The following PITPNM3 variants were observed in gnomAD, a reference collection of about 807,000 sequenced individuals.
The protein encoded by PITPNM3 is PITPNM family member 3, also known as membrane-associated phosphatidylinositol transfer protein 3.
Under a neutral mutation model 102.0 loss-of-function variants are expected in PITPNM3, and 26 were observed. The ratio of observed to expected loss-of-function variants is 0.25; its 90% CI spans 0.19 to 0.35. The LOEUF (loss-of-function observed/expected upper bound fraction) is 0.35, where lower values mean the gene tolerates loss of function less well. Among genes scored for constraint, PITPNM3 ranks in the 10% least tolerant of loss-of-function variants. The probability of loss-of-function intolerance (pLI) is 1.00; values close to 1 mark genes in which losing one functional copy is unlikely to be tolerated. For synonymous variants in PITPNM3, 578 were observed against 558.6 expected (o/e 1.03, Z -0.49); for missense variants, 1,083 against 1,346.1 (o/e 0.80, Z 3.06).
At chr17:6,513,884 T>C (rs995335759) in intron 3 of PITPNM3, among the ~76,000 whole-genome samples, 1 of 152,232 alleles carries the variant, frequency 6.6e-6, no homozygotes, top group Admixed American at 6.5e-5. Flanking sequence ...TCAAACTTAC[T>C]GCAGGTGTAC....
intron 4 of PITPNM3, among the ~76,000 whole-genome samples, chr17:6,492,709 T>C (rs1047034156): frequency 1.3e-5 from 2 of 151,754 alleles, no homozygotes; most frequent in African/African-American, 4.8e-5. Flanking sequence ...ATACAAAAAT[T>C]AGTTGGGCAT....
In PITPNM3 at chr17:6,453,949, C is replaced by T. The variant is rs1913972833; in HGVS notation, c.*1389G>A. 1 of 152,682 alleles carries T rather than the reference C, an allele frequency of 6.5e-6. No individual in the cohort carries two copies. The highest frequency in any genetic ancestry group is 1.5e-5 in the Non-Finnish European group (1 of 68,312). The allele number at this position is 152,682 out of a possible 1,614,324, so 9.5% of individuals were successfully genotyped here. On this transcript the variant is annotated 3_prime_UTR_variant, in exon 20 of 20. Transcript: ENST00000262483. ...AGGATGCAGGAAAGCAGTGCCCAGG[C>T]CAAGGTTCAGCAGCAGGAGGGCCTG...
chr17:6,468,213 G>T lies in PITPNM3; in HGVS notation c.1890+12C>A, dbSNP rs551342533. The T allele has an allele frequency of 1.6e-5, 25 of 1,610,892 alleles. No homozygotes were observed. In the East Asian group the frequency reaches 4.5e-4, roughly 29 times the overall value. On this transcript the variant is annotated intron_variant, in intron 14 of 19. Coordinates refer to ENST00000262483, the MANE Select transcript of PITPNM3 (RefSeq NM_031220.4). The surrounding 1 kb of genome is among the most constrained non-coding windows in gnomAD (Gnocchi z 5.2). ...ACAGTCCCAGCCACATGCGAACTGA[G>T]CATGCACGCACCCTCAGCTTGACCT... is the stretch of plus-strand genomic sequence containing the variant.
chr17:6,455,410 G>C lies in PITPNM3; in HGVS notation c.2853C>G (p.Asp951Glu), dbSNP rs1914043647. The change falls in exon 20 of 20, where the codon GAC becomes GAG. Residue 951 changes from aspartate to glutamate, a missense_variant. Physicochemically the swap from Asp to Glu is conservative, Grantham distance 45 (BLOSUM62 2). This residue lies in a region of PITPNM3 where 208 missense variants were observed against 178.2 expected (regional missense o/e 1.17). Coordinates refer to ENST00000262483, the MANE Select transcript of PITPNM3 (RefSeq NM_031220.4). ...CCGGCAGCGGCCGCTCGTGGTCTTT[G>C]TCCGACTCGGGCTGGCTCTGGGCCC... ...PERAQSQPESDKDHERPLPAL... is the reference protein window; with the variant it reads ...PERAQSQPESEKDHERPLPAL... The C allele has an allele frequency of 1.2e-6, 2 of 1,601,758 alleles. No individual in the cohort carries two copies. The highest frequency in any genetic ancestry group is 1.7e-6 in the Non-Finnish European group (2 of 1,176,998).
Position 6,464,637 on chromosome 17 carries a change from AG to A in PITPNM3, c.2007+17del. The A allele has an allele frequency of 1.2e-6, 2 of 1,602,754 alleles. No individual in the cohort carries two copies. Among genetic ancestry groups the A allele is most frequent in the Non-Finnish European group, 8.5e-7 (1 of 1,170,392 alleles). On this transcript the variant is annotated intron_variant, in intron 15 of 19. Transcript: ENST00000262483. ...TGCAGGTGGAGTGGCTGAGGAGGGGAGGCCCAGCCCCAGGTACCTTCTCTCC... is the reference window on the plus strand; with the variant it reads ...TGCAGGTGGAGTGGCTGAGGAGGGGAGCCCAGCCCCAGGTACCTTCTCTCC...
At position 6,483,632 on chromosome 17, in the gene PITPNM3, T is replaced by C. The variant is rs1389845967; in HGVS notation, c.472A>G (p.Ser158Gly). Residue 158 changes from serine to glycine, a missense_variant, in exon 6 of 20, where the codon AGC becomes GGC. Physicochemically the swap from Ser to Gly is moderately conservative, Grantham distance 56 (BLOSUM62 0). Coordinates refer to ENST00000262483, the MANE Select transcript of PITPNM3 (RefSeq NM_031220.4). The stretch of plus-strand genomic sequence containing the variant: ...CGTGTGACCTTCTCCAGCACGGAGC[T>C]GAAGGTGTGGATGTCGGCTGCCTTG... ...SCKAADIHTFSSVLEKVTRAH... is the reference protein window; with the variant it reads ...SCKAADIHTFGSVLEKVTRAH... The C allele has an allele frequency of 6.2e-7, 1 of 1,613,950 alleles. No individual in the cohort carries two copies.
At chr17:6,550,996 G>A (rs1401319164) in intron 1 of PITPNM3, among the ~76,000 whole-genome samples, 7 of 152,198 alleles carry the variant, frequency 4.6e-5, no homozygotes, top group Admixed American at 3.3e-4. Context: ...AGAGGTCGGC[G>A]TATTTGCATA....
intron 3 of PITPNM3, among the ~76,000 whole-genome samples, chr17:6,506,958 G>C (rs1037521177): frequency 2.6e-5 from 4 of 152,206 alleles, no homozygotes; most frequent in Non-Finnish European, 5.9e-5. Context: ...TTGAGTGAGA[G>C]GTTTTTTCCC....
chr17:6,550,500 TG>T (rs1305162492), intron 1 of PITPNM3, among the ~76,000 whole-genome samples: 1 of 152,140 alleles, frequency 6.6e-6, no homozygotes, highest in Non-Finnish European at 1.5e-5. Context: ...AAAGCCTCCA[TG>T]GTCTCTGAAA....
intron 4 of PITPNM3, among the ~76,000 whole-genome samples, chr17:6,491,470 A>G (rs1305912330): frequency 6.6e-6 from 1 of 152,188 alleles, no homozygotes; most frequent in East Asian, 1.9e-4. Context: ...TTTTTAGCCA[A>G]TGAAAGTTCC....
chr17:6,529,558 C>T (rs1041022020), intron 2 of PITPNM3, among the ~76,000 whole-genome samples: 20 of 150,686 alleles, frequency 1.3e-4, no homozygotes, highest in African/African-American at 4.7e-4. Context: ...CGTGCTACTG[C>T]ATTCCAGCCT....
chr17:6,518,784 A>C (rs2150632587), intron 3 of PITPNM3, among the ~76,000 whole-genome samples: 1 of 152,298 alleles, frequency 6.6e-6, no homozygotes, highest in South Asian at 2.1e-4. Context: ...ACACAAATGA[A>C]CAATGAGGGG....
chr17:6,477,938 G>A, intron 8 of PITPNM3, 37 bp downstream of exon 8: 1 of 1,607,818 alleles, frequency 6.2e-7, no homozygotes, highest in Non-Finnish European at 8.5e-7. Flanking sequence ...TGCTCCTATG[G>A]GCATACCCCT....
intron 10 of PITPNM3, among the ~76,000 whole-genome samples, chr17:6,474,038 T>C (rs1447519525): frequency 1.3e-5 from 2 of 150,056 alleles, no homozygotes; most frequent in Non-Finnish European, 3.0e-5. Flanking sequence ...TGAGGTGGGC[T>C]TGGGGATATG....
chr17:6,462,614 G>A (rs1389735035), intron 17 of PITPNM3, among the ~76,000 whole-genome samples: 1 of 152,156 alleles, frequency 6.6e-6, no homozygotes, highest in African/African-American at 2.4e-5. Flanking sequence ...AGCTCTGGTT[G>A]GCTGACTTCA....
At chr17:6,462,647 G>A (rs1260255395) in intron 17 of PITPNM3, among the ~76,000 whole-genome samples, 2 of 152,204 alleles carry the variant, frequency 1.3e-5, no homozygotes, top group African/African-American at 4.8e-5. Flanking sequence ...GCTGCAAGAT[G>A]TCAGGTAAGC....
chr17:6,487,687 C>T (rs1906177990), intron 4 of PITPNM3, among the ~76,000 whole-genome samples: 1 of 152,220 alleles, frequency 6.6e-6, no homozygotes, highest in Non-Finnish European at 1.5e-5. Flanking sequence ...GGGCTGGACT[C>T]TGCGCCCTCA....
At position 6,470,048 on chromosome 17, in the gene PITPNM3, G is replaced by A. The variant is rs570198369; in HGVS notation, c.1773+212C>T. ...TTAATTTTCTAGAGTGTACCATGCC[G>A]TCAGCCACCCAGGAGCCAATGTCTT... On this transcript the variant is annotated intron_variant, in intron 13 of 19. Transcript: ENST00000262483. The surrounding 1 kb of genome is among the most constrained non-coding windows in gnomAD (Gnocchi z 4.8). Among the ~76,000 whole-genome samples, 5 of 152,198 alleles carry A rather than the reference G, an allele frequency of 3.3e-5. No homozygotes were observed. The highest frequency in any genetic ancestry group is 2.1e-4 in the South Asian group (1 of 4,828).
chr17:6,478,560 C>G lies in PITPNM3; in HGVS notation c.764G>C (p.Gly255Ala), dbSNP rs1905458372. 6.2e-7 allele frequency: 1 copy of G among 1,613,992 alleles called. No homozygotes were observed. The highest frequency in any genetic ancestry group is 1.3e-5 in the African/African-American group (1 of 74,934). The change falls in exon 7 of 20, where the codon GGC (glycine) becomes GCC (alanine). Residue 255 changes from glycine (G) to alanine (A), a missense_variant. Physicochemically the swap from Gly to Ala is moderately conservative, Grantham distance 60 (BLOSUM62 0). This residue lies in a region of PITPNM3 where 290 missense variants were observed against 337.8 expected (regional missense o/e 0.86). Transcript: ENST00000262483. The surrounding 1 kb of genome is among the most constrained non-coding windows in gnomAD (Gnocchi z 4.4). ...REFLKSSDGI[G>A]FSGQVCLIGD... Reference sequence around the variant, plus strand: ...AGGCTGTCCTACCTGCCCACTGAAGCCAATCCCATCAGAGGACTTCAGGAA... The same window carrying G: ...AGGCTGTCCTACCTGCCCACTGAAGGCAATCCCATCAGAGGACTTCAGGAA...
Sources: allele counts gnomAD v4.1 joint callset (sites outside exome capture counted in the v4.1 genomes callset), GRCh38; gene constraint gnomAD v4.1.1; regional missense constraint gnomAD v4.1.1; non-coding constraint Gnocchi (gnomAD v3.1); transcripts MANE v1.5; gene names NCBI Gene and HGNC (gene_info 2026-07-23, HGNC 2026-07-21).